The following RBMS3 variants were observed in gnomAD, a reference collection of about 807,000 sequenced individuals.
RBMS3 encodes the protein RNA binding motif single stranded interacting protein 3, also known as RNA-binding motif, single-stranded-interacting protein 3.
RBMS3 carries 27 observed loss-of-function variants against 66.8 expected under a neutral mutation model. The ratio of observed to expected loss-of-function variants is 0.40; its 90% CI spans 0.30 to 0.56. RBMS3 has a LOEUF of 0.56. Among genes scored for constraint, RBMS3 ranks in the 20% least tolerant of loss-of-function variants. The probability of loss-of-function intolerance (pLI) is 0.40; values close to 1 mark genes in which losing one functional copy is unlikely to be tolerated. For missense variants in RBMS3, 513 were observed against 549.5 expected, an observed-to-expected ratio of 0.93 and a Z score of 0.66; for synonymous variants, 188 against 183.0, an observed-to-expected ratio of 1.03 and a Z score of -0.22.
At chr3:29,379,493 G>A (rs2038657424) in intron 1 of RBMS3, among the ~76,000 whole-genome samples, 1 of 152,112 alleles carries the variant, frequency 6.6e-6, no homozygotes, top group Non-Finnish European at 1.5e-5. Context: ...CACATGGCTG[G>A]GGAGGCATCA....
intron 1 of RBMS3, among the ~76,000 whole-genome samples, chr3:29,332,232 G>T (rs1371608886): frequency 6.6e-6 from 1 of 152,084 alleles, no homozygotes. Context: ...GTGAATATCG[G>T]AATATCAGGA....
intron 6 of RBMS3, among the ~76,000 whole-genome samples, chr3:29,849,988 T>C (rs996595337): frequency 9.9e-5 from 15 of 152,232 alleles, no homozygotes; most frequent in African/African-American, 3.4e-4. Context: ...TATGCCTACC[T>C]GCCTTTTGCA....
chr3:29,350,774 T>TA (rs1368888796), intron 1 of RBMS3, among the ~76,000 whole-genome samples: 1 of 151,790 alleles, frequency 6.6e-6, no homozygotes, highest in African/African-American at 2.4e-5. Context: ...TTAAGGAATA[T>TA]AAAAAAGGAC....
intron 12 of RBMS3, among the ~76,000 whole-genome samples, chr3:29,967,415 C>T (rs1355997926): frequency 1.3e-5 from 2 of 152,162 alleles, no homozygotes; most frequent in Non-Finnish European, 2.9e-5. Flanking sequence ...CCTGCCTCAG[C>T]CTCCTGAGTA....
intron 11 of RBMS3, among the ~76,000 whole-genome samples, chr3:29,943,861 T>C (rs556704585): frequency 5.3e-5 from 8 of 151,882 alleles, no homozygotes; most frequent in Admixed American, 3.9e-4. Flanking sequence ...GGGCCCCCTC[T>C]AAATGGGCTG....
chr3:29,335,545 G>T (rs9849827), intron 1 of RBMS3, among the ~76,000 whole-genome samples: 26,335 of 152,174 alleles, frequency 0.17, 3,114 homozygotes, highest in East Asian at 0.34. Flanking sequence ...GCTTAAAGCA[G>T]CTCTTTGCCA....
At chr3:29,673,448 T>C (rs1458677590) in intron 4 of RBMS3, among the ~76,000 whole-genome samples, 4 of 146,864 alleles carry the variant, frequency 2.7e-5, no homozygotes, top group African/African-American at 1.0e-4. Flanking sequence ...AAAAAATCAG[T>C]GAATCCAGGA....
At chr3:29,581,892 C>G (rs187841408) in intron 3 of RBMS3, among the ~76,000 whole-genome samples, 1 of 152,148 alleles carries the variant, frequency 6.6e-6, no homozygotes, top group East Asian at 1.9e-4. Flanking sequence ...CACCCCAACA[C>G]ACACACATAA....
intron 3 of RBMS3, among the ~76,000 whole-genome samples, chr3:29,527,580 C>G (rs1021142393): frequency 1.3e-5 from 2 of 152,112 alleles, no homozygotes; most frequent in Non-Finnish European, 2.9e-5. Flanking sequence ...ATCCTGAAGT[C>G]CTAGGTTATA....
At chr3:29,301,453 C>A (rs2033664896) in intron 1 of RBMS3, among the ~76,000 whole-genome samples, 1 of 151,972 alleles carries the variant, frequency 6.6e-6, no homozygotes, top group Admixed American at 6.6e-5. Context: ...AGAAATTTAA[C>A]CCCTCTTAAC....
At chr3:29,597,383 C>A (rs1172992798) in intron 4 of RBMS3, among the ~76,000 whole-genome samples, 1 of 152,110 alleles carries the variant, frequency 6.6e-6, no homozygotes, top group Non-Finnish European at 1.5e-5. Context: ...ATATTTATTA[C>A]ACTATGATGT....
intron 1 of RBMS3, among the ~76,000 whole-genome samples, chr3:29,377,803 G>T (rs1260172812): frequency 6.6e-6 from 1 of 152,140 alleles, no homozygotes; most frequent in Non-Finnish European, 1.5e-5. Context: ...ACTGGGTTTG[G>T]TGCTCATTCT....
chr3:29,737,831 AGTGT>A (rs3070725), intron 4 of RBMS3, among the ~76,000 whole-genome samples: 4,682 of 145,704 alleles, frequency 0.032, 120 homozygotes, highest in African/African-American at 0.072. Context: ...GTGATAGTGG[AGTGT>A]GTGTGTGTGT....
chr3:29,624,874 G>A (rs929867843), intron 4 of RBMS3, among the ~76,000 whole-genome samples: 1 of 151,988 alleles, frequency 6.6e-6, no homozygotes, highest in African/African-American at 2.4e-5. Context: ...ATTTTTTCTT[G>A]ACTTACAAAA....
chr3:29,474,190 C>T (rs973674611), intron 2 of RBMS3, among the ~76,000 whole-genome samples: 1 of 152,252 alleles, frequency 6.6e-6, no homozygotes, highest in Admixed American at 6.5e-5. Context: ...AGACCATACA[C>T]TTTTGTTTAT....
chr3:29,808,094 C>T (rs1290830992), intron 6 of RBMS3, among the ~76,000 whole-genome samples: 2 of 151,914 alleles, frequency 1.3e-5, no homozygotes, highest in Non-Finnish European at 2.9e-5. Flanking sequence ...ATTTAACTCT[C>T]ATTAAAGCAC....
intron 2 of RBMS3, among the ~76,000 whole-genome samples, chr3:29,461,950 G>A (rs933455077): frequency 7.4e-5 from 5 of 67,602 alleles, no homozygotes; most frequent in African/African-American, 2.6e-4. Context: ...TTTTTTTTTT[G>A]TATTTTTAGT....
chr3:29,442,318 A>T (rs1575825118), intron 2 of RBMS3, among the ~76,000 whole-genome samples: 2 of 152,288 alleles, frequency 1.3e-5, no homozygotes, highest in African/African-American at 4.8e-5. Context: ...TGTCCCACTG[A>T]TTCATTGATC....
intron 1 of RBMS3, among the ~76,000 whole-genome samples, chr3:29,426,911 A>C (rs1000759678): frequency 1.6e-4 from 24 of 152,210 alleles, no homozygotes; most frequent in African/African-American, 5.5e-4. Flanking sequence ...TAATTTATAC[A>C]TTTTAGCTTC....
Sources: gnomAD v4.1 joint callset for allele counts (sites outside exome capture counted in the v4.1 genomes callset) on GRCh38, gnomAD v4.1.1 for gene constraint, MANE v1.5 for transcripts, NCBI Gene and HGNC (gene_info 2026-07-23, HGNC 2026-07-21) for gene names.